Variants in OSBPL1A observed in about 807,000 individuals in gnomAD.
OSBPL1A encodes the protein oxysterol binding protein like 1A.
In OSBPL1A, 80 loss-of-function variants were observed where a neutral mutation model predicts 137.1. The observed-to-expected ratio is 0.58, with a 90% CI of 0.49 to 0.70. The LOEUF is 0.70. Ranked by LOEUF, OSBPL1A falls within the 30% of genes least tolerant of loss-of-function variation. The probability of loss-of-function intolerance (pLI) is 0.00; values close to 1 mark genes in which losing one functional copy is unlikely to be tolerated. For missense variants in OSBPL1A, 970 were observed against 1,129.4 expected (o/e 0.86, Z 2.02); for synonymous variants, 365 against 389.7 (o/e 0.94, Z 0.75).
chr18:24,356,610 G>C (rs915419186), intron 4 of OSBPL1A, among the ~76,000 whole-genome samples: 1 of 152,128 alleles, frequency 6.6e-6, no homozygotes, highest in African/African-American at 2.4e-5. Context: ...AATTGGAATA[G>C]ACACACTTAG....
At chr18:24,345,192 C>A (rs2091325941) in intron 4 of OSBPL1A, among the ~76,000 whole-genome samples, 1 of 152,066 alleles carries the variant, frequency 6.6e-6, no homozygotes, top group South Asian at 2.1e-4. Context: ...AAAAAGGCAA[C>A]AATCATAAAA....
chr18:24,249,064 C>T (rs1391494209), intron 15 of OSBPL1A, among the ~76,000 whole-genome samples: 1 of 152,192 alleles, frequency 6.6e-6, no homozygotes, highest in Non-Finnish European at 1.5e-5. Context: ...ATGGCTCTGG[C>T]ATTTAAAATA....
At chr18:24,229,726 A>G (rs2088209166) in intron 16 of OSBPL1A, among the ~76,000 whole-genome samples, 3 of 152,072 alleles carry the variant, frequency 2.0e-5, no homozygotes, top group Non-Finnish European at 2.9e-5. Flanking sequence ...CTTGGTATCT[A>G]TGAAGTGATA....
chr18:24,187,416 G>A (rs1237724854), intron 18 of OSBPL1A, among the ~76,000 whole-genome samples: 2 of 152,062 alleles, frequency 1.3e-5, no homozygotes, highest in East Asian at 1.9e-4. Flanking sequence ...TGCCATAATT[G>A]TAAAACCAAG....
At chr18:24,226,598 A>C (rs2088084145) in intron 16 of OSBPL1A, among the ~76,000 whole-genome samples, 1 of 152,178 alleles carries the variant, frequency 6.6e-6, no homozygotes, top group Non-Finnish European at 1.5e-5. Context: ...AGGAAATAAC[A>C]ACGTTTTAGT....
chr18:24,199,968 A>C (rs2033861174), intron 17 of OSBPL1A, among the ~76,000 whole-genome samples: 4 of 152,206 alleles, frequency 2.6e-5, no homozygotes, highest in Admixed American at 1.3e-4. Context: ...ATACAATGAG[A>C]GCTTCATGTA....
chr18:24,181,613 C>A (rs1010503177), intron 18 of OSBPL1A, among the ~76,000 whole-genome samples: 31 of 152,298 alleles, frequency 2.0e-4, no homozygotes, highest in Admixed American at 1.0e-3. Context: ...GCAATGGAGA[C>A]AGAACAAAAT....
chr18:24,367,030 T>C (rs948043378), intron 3 of OSBPL1A, 64 bp from the exon 4 acceptor site: 22 of 1,382,974 alleles, frequency 1.6e-5, no homozygotes, highest in Non-Finnish European at 2.2e-5. Flanking sequence ...TCCTTCAAAA[T>C]ATATTAAGGC....
intron 14 of OSBPL1A, among the ~76,000 whole-genome samples, chr18:24,296,684 G>C (rs2588563): frequency 0.35 from 53,017 of 151,936 alleles, 10,025 homozygotes; most frequent in Middle Eastern, 0.46. Context: ...TCCCTTCTAT[G>C]CCTAGTTTAT....
chr18:24,263,638 A>G (rs2089496532), intron 15 of OSBPL1A, among the ~76,000 whole-genome samples: 1 of 152,042 alleles, frequency 6.6e-6, no homozygotes, highest in African/African-American at 2.4e-5. Flanking sequence ...ATATATTCCC[A>G]ACACTTCATT....
In OSBPL1A at chr18:24,314,302, C is replaced by T; in HGVS notation, c.916G>A (p.Asp306Asn). ...SCLFFIKCFD[D>N]TIHGFRVPKN... ...GGAACCCGGAAGCCATGAATGGTGT[C>T]ATCAAAGCATTTAATAAAGAAGAGG... The change falls in exon 12 of 28, where the codon GAC (aspartate) becomes AAC (asparagine). Residue 306 changes from aspartate (D) to asparagine (N), a missense_variant. Asp to Asn is a conservative substitution (Grantham distance 23, BLOSUM62 1). Coordinates refer to ENST00000319481, the MANE Select transcript of OSBPL1A (RefSeq NM_080597.4). 6.2e-7 allele frequency: 1 copy of T among 1,611,918 alleles called. No individual in the cohort carries two copies. The highest frequency in any genetic ancestry group is 8.5e-7 in the Non-Finnish European group (1 of 1,179,336).
At chr18:24,257,523 C>A (rs545220227) in intron 15 of OSBPL1A, among the ~76,000 whole-genome samples, 1 of 152,116 alleles carries the variant, frequency 6.6e-6, no homozygotes, top group South Asian at 2.1e-4. Flanking sequence ...GACTATGAAA[C>A]TACTACAAGG....
At chr18:24,281,051 C>A (rs908452955) in intron 14 of OSBPL1A, 103 bp from the exon 15 acceptor site, 4 of 663,616 alleles carry the variant, frequency 6.0e-6, no homozygotes, top group Non-Finnish European at 7.1e-6. Flanking sequence ...ATCTTTCCAT[C>A]TAGCTATCTT....
intron 5 of OSBPL1A, among the ~76,000 whole-genome samples, chr18:24,337,428 A>G (rs1210098899): frequency 6.6e-6 from 1 of 152,036 alleles, no homozygotes. Context: ...ACATAAAGCC[A>G]GGCATGGTGG....
intron 15 of OSBPL1A, among the ~76,000 whole-genome samples, chr18:24,279,105 G>T (rs1405537261): frequency 6.6e-6 from 1 of 152,010 alleles, no homozygotes; most frequent in South Asian, 2.1e-4. Context: ...GCTACATATA[G>T]CAAACACAGC....
At chr18:24,349,844 G>T (rs1326565674) in intron 4 of OSBPL1A, among the ~76,000 whole-genome samples, 1 of 152,036 alleles carries the variant, frequency 6.6e-6, no homozygotes, top group Non-Finnish European at 1.5e-5. Context: ...CAGTCTTCAC[G>T]GTCCCTGAGC....
intron 17 of OSBPL1A, among the ~76,000 whole-genome samples, chr18:24,221,403 C>G (rs1235335062): frequency 6.6e-6 from 1 of 152,136 alleles, no homozygotes; most frequent in Non-Finnish European, 1.5e-5. Flanking sequence ...GCAAAATAAA[C>G]CTCTCAGGTT....
chr18:24,168,485 C>T (rs1460277405), intron 24 of OSBPL1A, among the ~76,000 whole-genome samples: 1 of 152,200 alleles, frequency 6.6e-6, no homozygotes, highest in African/African-American at 2.4e-5. Flanking sequence ...TCGGGCTCCC[C>T]TCTCCGCGGC....
intron 21 of OSBPL1A, among the ~76,000 whole-genome samples, chr18:24,173,321 G>A (rs931938554): frequency 2.6e-5 from 4 of 152,146 alleles, no homozygotes; most frequent in Non-Finnish European, 4.4e-5. Flanking sequence ...CCTGGGTGAC[G>A]AAACAAACCC....
Sources: allele counts gnomAD v4.1 joint callset (sites outside exome capture counted in the v4.1 genomes callset), GRCh38; gene constraint gnomAD v4.1.1; transcripts MANE v1.5; gene names NCBI Gene and HGNC (gene_info 2026-07-23, HGNC 2026-07-21).